The following PPP2R2B variants were observed in gnomAD, a reference collection of about 807,000 sequenced individuals.
The protein encoded by PPP2R2B is serine/threonine-protein phosphatase 2A 55 kDa regulatory subunit B beta isoform.
PPP2R2B carries 5 observed loss-of-function variants against 46.0 expected under a neutral mutation model. The ratio of observed to expected loss-of-function variants is 0.11; its 90% CI spans 0.06 to 0.23. PPP2R2B has a LOEUF of 0.23. PPP2R2B is among the 10% of genes least tolerant of loss of function. PPP2R2B has a pLI of 1.00. For missense variants in PPP2R2B, 367 were observed against 575.0 expected, an observed-to-expected ratio of 0.64 and a Z score of 3.70; for synonymous variants, 215 against 206.7, an observed-to-expected ratio of 1.04 and a Z score of -0.34.
chr5:146,758,662 AC>A (rs1269601259), intron 2 of PPP2R2B, among the ~76,000 whole-genome samples: 1 of 152,162 alleles, frequency 6.6e-6, no homozygotes, highest in Non-Finnish European at 1.5e-5. Context: ...AAGTACCAGT[AC>A]CTAGTAGGAG....
chr5:146,772,643 T>A (rs1439502410), intron 2 of PPP2R2B, among the ~76,000 whole-genome samples: 1 of 152,014 alleles, frequency 6.6e-6, no homozygotes, highest in Non-Finnish European at 1.5e-5. Context: ...AAACTGCTCT[T>A]CAGGGGCCTA....
At chr5:146,956,406 C>T (rs1049617608) in intron 1 of PPP2R2B, among the ~76,000 whole-genome samples, 7 of 152,154 alleles carry the variant, frequency 4.6e-5, no homozygotes, top group African/African-American at 1.7e-4. Context: ...TTGCCCTGGT[C>T]ACTCCCCAGA....
chr5:146,675,729 T>G (rs1777666471), intron 5 of PPP2R2B, among the ~76,000 whole-genome samples: 1 of 152,094 alleles, frequency 6.6e-6, no homozygotes, highest in Non-Finnish European at 1.5e-5. Context: ...GGGGCTCAGT[T>G]TTCTTTGCAT....
chr5:146,678,743 C>A (rs964267795), intron 5 of PPP2R2B, among the ~76,000 whole-genome samples: 2 of 146,350 alleles, frequency 1.4e-5, no homozygotes, highest in Admixed American at 6.7e-5. Context: ...TTCTTATACA[C>A]CAACAACAGA....
intron 2 of PPP2R2B, among the ~76,000 whole-genome samples, chr5:147,072,865 G>A (rs1377539258): frequency 6.6e-6 from 1 of 152,202 alleles, no homozygotes; most frequent in Non-Finnish European, 1.5e-5. Flanking sequence ...GTACCCAGAA[G>A]TCCTAGCTAA....
chr5:146,658,945 G>A (rs1378394228), intron 5 of PPP2R2B, among the ~76,000 whole-genome samples: 1 of 152,096 alleles, frequency 6.6e-6, no homozygotes, highest in African/African-American at 2.4e-5. Flanking sequence ...AATAGTCAAA[G>A]CAACAACTAA....
chr5:147,007,573 C>T (rs1580791924), intron 1 of PPP2R2B, among the ~76,000 whole-genome samples: 2 of 152,294 alleles, frequency 1.3e-5, no homozygotes, highest in East Asian at 3.9e-4. Context: ...TCCCCTTCCA[C>T]ACTATGGAAG....
At chr5:146,867,709 G>A (rs548797597) in intron 2 of PPP2R2B, among the ~76,000 whole-genome samples, 26 of 152,070 alleles carry the variant, frequency 1.7e-4, no homozygotes, top group Non-Finnish European at 1.3e-4. Context: ...ACAGTTTCAC[G>A]CACCCTGGCT....
At chr5:146,714,096 A>C (rs910960826) in intron 2 of PPP2R2B, among the ~76,000 whole-genome samples, 8 of 152,120 alleles carry the variant, frequency 5.3e-5, no homozygotes, top group African/African-American at 1.7e-4. Flanking sequence ...AGAAGAAGAA[A>C]ATCCAGGGAA....
intron 1 of PPP2R2B, among the ~76,000 whole-genome samples, chr5:146,937,613 AG>A (rs1277332831): frequency 6.6e-6 from 1 of 152,096 alleles, no homozygotes. Flanking sequence ...AAGGCTGAGC[AG>A]GGGTTGGCCA....
At chr5:146,861,085 C>G (rs1190886768) in intron 2 of PPP2R2B, among the ~76,000 whole-genome samples, 1 of 130,848 alleles carries the variant, frequency 7.6e-6, no homozygotes, top group Non-Finnish European at 1.6e-5. Flanking sequence ...GAGACTGAGT[C>G]TCCTCTGTCG....
chr5:146,664,043 T>A (rs549508505), intron 5 of PPP2R2B, among the ~76,000 whole-genome samples: 1 of 152,156 alleles, frequency 6.6e-6, no homozygotes, highest in South Asian at 2.1e-4. Context: ...GGTTTCACCA[T>A]CTTGGCCAGG....
At chr5:147,043,127 A>G (rs1389620953) in intron 1 of PPP2R2B, among the ~76,000 whole-genome samples, 1 of 152,046 alleles carries the variant, frequency 6.6e-6, no homozygotes. Flanking sequence ...GTCCTTATTT[A>G]TGCTGTAACT....
chr5:147,011,183 T>C (rs1561575098), intron 1 of PPP2R2B, among the ~76,000 whole-genome samples: 1 of 152,164 alleles, frequency 6.6e-6, no homozygotes, highest in Admixed American at 6.5e-5. Flanking sequence ...TCTTTGTGCC[T>C]GGAATGCTCT....
intron 2 of PPP2R2B, among the ~76,000 whole-genome samples, chr5:147,075,037 A>C (rs1757721814): frequency 6.6e-6 from 1 of 152,312 alleles, no homozygotes; most frequent in South Asian, 2.1e-4. Context: ...CAGAAAGAAA[A>C]TGGTTATATG....
intron 1 of PPP2R2B, among the ~76,000 whole-genome samples, chr5:147,010,770 G>T (rs1366948733): frequency 1.3e-5 from 2 of 152,028 alleles, no homozygotes; most frequent in African/African-American, 2.4e-5. Context: ...GGGAGTTGGG[G>T]ACCCTGATCT....
At chr5:147,069,475 A>G (rs1757509944) in intron 2 of PPP2R2B, among the ~76,000 whole-genome samples, 11 of 152,046 alleles carry the variant, frequency 7.2e-5, no homozygotes, top group Admixed American at 7.2e-4. Flanking sequence ...CATGGCTTGC[A>G]AGCTCACACC....
At chr5:147,031,863 A>G (rs1262653609) in intron 1 of PPP2R2B, among the ~76,000 whole-genome samples, 1 of 152,162 alleles carries the variant, frequency 6.6e-6, no homozygotes, top group African/African-American at 2.4e-5. Flanking sequence ...ATGAAACTGG[A>G]TTCTCAACTC....
At chr5:146,980,368 C>G (rs975979954) in intron 1 of PPP2R2B, among the ~76,000 whole-genome samples, 6 of 152,146 alleles carry the variant, frequency 3.9e-5, no homozygotes, top group Admixed American at 2.6e-4. Context: ...AGGATAAATG[C>G]TTCAGATTCT....
Sources: gnomAD v4.1 joint callset for allele counts (sites outside exome capture counted in the v4.1 genomes callset) on GRCh38, gnomAD v4.1.1 for gene constraint, MANE v1.5 for transcripts, NCBI Gene and HGNC (gene_info 2026-07-23, HGNC 2026-07-21) for gene names.